CCDC174: variants seen among roughly 807,000 people sequenced by gnomAD.
The protein encoded by CCDC174 is coiled-coil domain containing 174.
CCDC174 carries 37 observed loss-of-function variants against 57.1 expected under a neutral mutation model. The ratio of observed to expected loss-of-function variants is 0.65; its 90% CI spans 0.50 to 0.85. CCDC174 has a LOEUF of 0.85. CCDC174 is among the 40% of genes least tolerant of loss of function. The pLI, the probability that CCDC174 is intolerant of heterozygous loss-of-function variation, is 0.00. For synonymous variants in CCDC174, 182 were observed against 190.2 expected (o/e 0.96, Z 0.35); for missense variants, 540 against 574.3 (o/e 0.94, Z 0.61).
rs752485419 is a variant in CCDC174, at chr3:14,669,966, C to T, written c.985C>T (p.Pro329Ser). The change falls in exon 10 of 11, where the codon CCA becomes TCA. Residue 329 changes from proline (P) to serine (S), a missense_variant. Pro to Ser is a moderately conservative substitution (Grantham distance 74, BLOSUM62 -1). Transcript: ENST00000383794. ...TGTTATTGGGCCTTTGCCACCGGAG[C>T]CAGAGGCTGTGCCAACCCCACGTCC... ...GDVIGPLPPE[P>S]EAVPTPRPAA... The T allele has an allele frequency of 1.2e-5, 19 of 1,613,940 alleles. No homozygotes were observed. The African/African-American group carries it at 1.6e-4, about 14-fold the overall frequency.
intron 9 of CCDC174, 136 bp from the exon 10 acceptor site, chr3:14,669,798 A>G: frequency 1.3e-6 from 1 of 755,802 alleles, no homozygotes; most frequent in Non-Finnish European, 2.1e-6. Context: ...AAAAGACTTA[A>G]TCCACTGCCT....
chr3:14,668,989 G>C (rs992369686), intron 9 of CCDC174, among the ~76,000 whole-genome samples: 3 of 152,236 alleles, frequency 2.0e-5, no homozygotes, highest in African/African-American at 7.2e-5. Context: ...TAGGCAGGGA[G>C]ACTGGGAAGG....
intron 5 of CCDC174, chr3:14,661,953 G>T: frequency 5.0e-6 from 2 of 398,480 alleles, no homozygotes. Flanking sequence ...GGCTTCTGCT[G>T]TGTGCCCAGC....
intron 5 of CCDC174, 153 bp from the exon 6 acceptor site, chr3:14,664,875 A>G (rs1340894175): frequency 3.1e-6 from 2 of 641,810 alleles, no homozygotes; most frequent in Non-Finnish European, 5.6e-6. Flanking sequence ...AGCTTTAAAA[A>G]GCATATTCCT....
At chr3:14,657,816 G>A (rs1215881354) in intron 3 of CCDC174, among the ~76,000 whole-genome samples, 1 of 152,222 alleles carries the variant, frequency 6.6e-6, no homozygotes, top group Non-Finnish European at 1.5e-5. Flanking sequence ...TGCTGTGCAA[G>A]CCATGGCTCC....
chr3:14,671,378 T>G lies in CCDC174; in HGVS notation c.*184T>G. 1 of 600,396 alleles carries G rather than the reference T, an allele frequency of 1.7e-6. No individual in the cohort carries two copies. Among genetic ancestry groups the G allele is most frequent in the Non-Finnish European group, 2.9e-6 (1 of 342,396 alleles). The allele number at this position is 600,396 out of a possible 1,614,324, so 37.2% of individuals were successfully genotyped here. On this transcript the variant is annotated 3_prime_UTR_variant, in exon 11 of 11. Coordinates refer to ENST00000383794, the MANE Select transcript of CCDC174 (RefSeq NM_016474.5). ...AACTTTGGCCACTTGGCTGTTCATT[T>G]TATTCTAAGTGGGATAGGGACATAC...
chr3:14,670,098 G>A lies in CCDC174; in HGVS notation c.1105+12G>A, dbSNP rs752715734. 5 of 1,593,248 alleles carry A rather than the reference G, an allele frequency of 3.1e-6. No individual in the cohort carries two copies. In the South Asian group the frequency reaches 5.7e-5, roughly 18 times the overall value. On this transcript the variant is annotated intron_variant, in intron 10 of 10. Coordinates refer to ENST00000383794, the MANE Select transcript of CCDC174 (RefSeq NM_016474.5). The stretch of plus-strand genomic sequence containing the variant: ...GGACCGCGGAAAAGGTAAGGGAGGT[G>A]GGCTCTGAGGTGTAAGAACTCTCCA...
chr3:14,654,754 A>G (rs1279163571), intron 2 of CCDC174, among the ~76,000 whole-genome samples: 3 of 152,218 alleles, frequency 2.0e-5, no homozygotes, highest in Non-Finnish European at 4.4e-5. Context: ...TTTTGGAAAA[A>G]TGTGGATTGT....
rs1437203124 is a variant in CCDC174, at chr3:14,671,218, G to T, written c.*24G>T. The stretch of plus-strand genomic sequence containing the variant: ...GATCTTTCAAAGCACGCTGACTTGG[G>T]TTTGTACTTTGACAGTGCCTTTCTC... On this transcript the variant is annotated 3_prime_UTR_variant, in exon 11 of 11. Coordinates refer to ENST00000383794, the MANE Select transcript of CCDC174 (RefSeq NM_016474.5). The T allele has an allele frequency of 3.2e-6, 5 of 1,586,534 alleles. No individual in the cohort carries two copies. The highest frequency in any genetic ancestry group is 4.3e-6 in the Non-Finnish European group (5 of 1,163,616).
Position 14,670,982 on chromosome 3 carries a change from G to A in CCDC174, c.1192G>A (p.Val398Met), listed in dbSNP as rs538749910. 6 of 1,614,190 alleles carry A rather than the reference G, an allele frequency of 3.7e-6. No individual in the cohort carries two copies. The South Asian group carries it at 6.6e-5, about 18-fold the overall frequency. ...PEFAPPSDYF[V>M]GQKRTGFSSS... ...GTTTGCCCCGCCGTCAGATTACTTTGTGGGTCAGAAGAGAACTGGTTTTTC... is the reference window on the plus strand; with the variant it reads ...GTTTGCCCCGCCGTCAGATTACTTTATGGGTCAGAAGAGAACTGGTTTTTC... Residue 398 changes from valine (V) to methionine (M), a missense_variant, in exon 11 of 11, where the codon GTG becomes ATG. Val to Met is a conservative substitution (Grantham distance 21). Coordinates refer to ENST00000383794, the MANE Select transcript of CCDC174 (RefSeq NM_016474.5).
chr3:14,662,566 T>C (rs977914778), intron 5 of CCDC174, among the ~76,000 whole-genome samples: 3 of 152,136 alleles, frequency 2.0e-5, no homozygotes, highest in African/African-American at 4.8e-5. Flanking sequence ...ACCTAAGATA[T>C]TATTGTTTGG....
chr3:14,654,443 TGAACTCTTCC>T lies in CCDC174; in HGVS notation c.64_73del (p.Leu22SerfsTer11). On this transcript the variant is annotated frameshift_variant, in exon 2 of 11. Coordinates refer to ENST00000383794, the MANE Select transcript of CCDC174 (RefSeq NM_016474.5). LOFTEE classifies it high-confidence loss of function. ...CATTCTAGTTGGTAGATCTTAAGGCTGAACTCTTCCGAAAGCAAGAAGAATTCAAACAAGA... is the reference window on the plus strand; with the variant it reads ...CATTCTAGTTGGTAGATCTTAAGGCTGAAAGCAAGAAGAATTCAAACAAGA... The T allele has an allele frequency of 6.2e-7, 1 of 1,602,642 alleles. No homozygotes were observed.
At chr3:14,661,780 G>T in intron 5 of CCDC174, 73 bp downstream of exon 5, 2 of 1,380,084 alleles carry the variant, frequency 1.4e-6, no homozygotes, top group Non-Finnish European at 2.0e-6. Context: ...TGATTTTGTT[G>T]GGTTGTTATC....
intron 1 of CCDC174, among the ~76,000 whole-genome samples, chr3:14,653,577 C>G (rs1327770630): frequency 6.6e-6 from 1 of 152,130 alleles, no homozygotes; most frequent in Non-Finnish European, 1.5e-5. Context: ...TGTACCTGGA[C>G]CATTAAAAAG....
intron 4 of CCDC174, 115 bp from the exon 5 acceptor site, chr3:14,661,415 G>A: frequency 1.3e-6 from 1 of 781,976 alleles, no homozygotes; most frequent in Non-Finnish European, 2.1e-6. Context: ...TGGAGGCATT[G>A]GCTGATGAGC....
chr3:14,669,854 T>C, intron 9 of CCDC174, 80 bp from the exon 10 acceptor site: 1 of 1,432,974 alleles, frequency 7.0e-7, no homozygotes, highest in Non-Finnish European at 9.7e-7. Context: ...ACTTTTACTT[T>C]CAGGATTAGC....
chr3:14,652,305 T>C (rs184826842), intron 1 of CCDC174, among the ~76,000 whole-genome samples: 1 of 152,332 alleles, frequency 6.6e-6, no homozygotes, highest in Non-Finnish European at 1.5e-5. Flanking sequence ...CCCAGAACTT[T>C]AGAGTGTGAC....
In CCDC174 at chr3:14,657,491, T is replaced by G. The variant is rs2030995787; in HGVS notation, c.249-1380T>G. Among the ~76,000 whole-genome samples the G allele has an allele frequency of 2.0e-5, 3 of 152,210 alleles. No individual in the cohort carries two copies. The South Asian group carries it at 6.2e-4, about 32-fold the overall frequency. The stretch of plus-strand genomic sequence containing the variant: ...TAACTCAACAGAAGAAACTGTTCTT[T>G]AAAGTCACTAGTGACATCCTCATCC... On this transcript the variant is annotated intron_variant, in intron 3 of 10. Transcript: ENST00000383794.
chr3:14,657,885 C>G (rs1430203977), intron 3 of CCDC174, among the ~76,000 whole-genome samples: 1 of 152,234 alleles, frequency 6.6e-6, no homozygotes, highest in Non-Finnish European at 1.5e-5. Flanking sequence ...GTCCTGCCCA[C>G]TCACTCTAAC....
Sources: gnomAD v4.1 joint callset for allele counts (sites outside exome capture counted in the v4.1 genomes callset) on GRCh38, gnomAD v4.1.1 for gene constraint, MANE v1.5 for transcripts, NCBI Gene and HGNC (gene_info 2026-07-23, HGNC 2026-07-21) for gene names.